The following PAM variants were observed in gnomAD, a reference collection of about 807,000 sequenced individuals.
The protein encoded by PAM is peptidylglycine alpha-amidating monooxygenase, also known as peptidyl-glycine alpha-amidating monooxygenase.
PAM carries 72 observed loss-of-function variants against 122.1 expected under a neutral mutation model. That is an observed-to-expected ratio of 0.59 (90% confidence interval 0.49 to 0.72). The LOEUF (loss-of-function observed/expected upper bound fraction) is 0.72. PAM is among the 30% of genes least tolerant of loss of function. The pLI is 0.00. For synonymous variants in PAM, 389 were observed against 404.4 expected, an observed-to-expected ratio of 0.96 and a Z score of 0.46; for missense variants, 1,106 against 1,183.7, an observed-to-expected ratio of 0.93 and a Z score of 0.96.
chr5:102,866,046 C>T lies in PAM; in HGVS notation c.-150C>T, dbSNP rs1785451599. On this transcript the variant is annotated 5_prime_UTR_variant, in exon 2 of 26. Transcript: ENST00000438793. ...CTCGCCGCGGCCAGCTCGCTGCTCT[C>T]GCTGGCGGATGGTGTGTGGCCGCCG... 2.1e-6 allele frequency: 1 copy of T among 471,942 alleles called. No individual in the cohort carries two copies. The highest frequency in any genetic ancestry group is 2.1e-5 in the African/African-American group (1 of 48,592). 29.2% of individuals were successfully genotyped at this position (471,942 alleles called of 1,614,324 possible). A position where few individuals can be genotyped will look rare whatever the true frequency, so the allele number is the denominator to read the frequency against.
At chr5:102,780,303 G>A (rs1383955083) in intron 1 of PAM, among the ~76,000 whole-genome samples, 1 of 152,030 alleles carries the variant, frequency 6.6e-6, no homozygotes, top group Non-Finnish European at 1.5e-5. Context: ...ACCACCATTG[G>A]CATTGTTGTT....
chr5:102,944,339 A>C (rs1282372259), intron 7 of PAM, among the ~76,000 whole-genome samples: 10 of 152,150 alleles, frequency 6.6e-5, no homozygotes, highest in Non-Finnish European at 5.9e-5. Flanking sequence ...AATACAGGAC[A>C]TTAGTAGCTA....
intron 7 of PAM, among the ~76,000 whole-genome samples, chr5:102,943,168 A>G (rs532641231): frequency 2.0e-5 from 3 of 152,298 alleles, no homozygotes; most frequent in African/African-American, 7.2e-5. Context: ...TTATTGAAGC[A>G]GGAAACAACC....
At chr5:103,025,467 G>A in intron 24 of PAM, 133 bp downstream of exon 24, 1 of 735,384 alleles carries the variant, frequency 1.4e-6, no homozygotes, top group Non-Finnish European at 2.4e-6. Context: ...TACCATTTTT[G>A]ACATTATTGT....
At chr5:102,926,176 G>A (rs748703764) in intron 6 of PAM, among the ~76,000 whole-genome samples, 45 of 152,136 alleles carry the variant, frequency 3.0e-4, no homozygotes, top group Non-Finnish European at 6.0e-4. Flanking sequence ...CTCACTGCAA[G>A]CTCCGCTTCC....
At chr5:102,862,962 CTT>C (rs1236871403) in intron 1 of PAM, among the ~76,000 whole-genome samples, 10 of 151,012 alleles carry the variant, frequency 6.6e-5, no homozygotes, top group African/African-American at 2.4e-4. Flanking sequence ...TTATTTGGCT[CTT>C]TGACCAGTAA....
rs1784615642 is a variant in PAM, at chr5:103,025,233, G to A, written c.2588G>A (p.Gly863Glu). 1.2e-6 allele frequency: 2 copies of A among 1,613,232 alleles called. No homozygotes were observed. Among genetic ancestry groups the A allele is most frequent in the Non-Finnish European group, 8.5e-7 (1 of 1,179,350 alleles). The change falls in exon 24 of 26, where the codon GGA becomes GAA. Residue 863 changes from glycine to glutamate, a missense_variant. Physicochemically the swap from Gly to Glu is moderately conservative, Grantham distance 98. Transcript: ENST00000438793. ...KQKLIKEPGS[G>E]VPVVLITTLL... ...AAACTGATCAAAGAGCCAGGCTCGG[G>A]AGTGCCTGTTGTTCTCATTACAACC... is the stretch of plus-strand genomic sequence containing the variant.
At position 102,816,031 on chromosome 5, in the gene PAM, G is replaced by A. The variant is rs571919444; in HGVS notation, c.-373-49792G>A. ...TTGGGTTTAGCGGTTTTTAAACTTG[G>A]GATCTGGAAAAAAGAAAAAGATCAT... On this transcript the variant is annotated intron_variant, in intron 1 of 25. Transcript: ENST00000438793. Among the ~76,000 whole-genome samples, 181 of 151,932 alleles carry A rather than the reference G, an allele frequency of 1.2e-3. 1 individual carries two copies. The highest frequency in any genetic ancestry group is 1.8e-3 in the Non-Finnish European group (120 of 67,966).
At chr5:102,833,441 A>G (rs543209464) in intron 1 of PAM, among the ~76,000 whole-genome samples, 1 of 152,308 alleles carries the variant, frequency 6.6e-6, no homozygotes, top group East Asian at 1.9e-4. Flanking sequence ...AAAATATAAA[A>G]CTTATTACAT....
At chr5:102,846,273 ATCT>A (rs1779921398) in intron 1 of PAM, among the ~76,000 whole-genome samples, 1 of 152,096 alleles carries the variant, frequency 6.6e-6, no homozygotes, top group Non-Finnish European at 1.5e-5. Flanking sequence ...CACACATGGG[ATCT>A]TCTCACCTAT....
At chr5:102,960,956 T>G (rs1460302880) in intron 13 of PAM, among the ~76,000 whole-genome samples, 5 of 120,044 alleles carry the variant, frequency 4.2e-5, no homozygotes, top group African/African-American at 9.5e-5. Context: ...AAGTCAGATG[T>G]CTTGTAATTG....
chr5:102,886,025 T>A (rs1238610548), intron 3 of PAM, among the ~76,000 whole-genome samples: 1 of 152,048 alleles, frequency 6.6e-6, no homozygotes, highest in Non-Finnish European at 1.5e-5. Flanking sequence ...TGCCTCTTTC[T>A]TGAACATGCA....
intron 16 of PAM, among the ~76,000 whole-genome samples, chr5:103,001,678 G>T (rs1389499590): frequency 6.6e-6 from 1 of 151,942 alleles, no homozygotes; most frequent in Non-Finnish European, 1.5e-5. Flanking sequence ...TAATTGTGTG[G>T]TGTATTTTTT....
chr5:102,920,703 T>G (rs1249730877), intron 5 of PAM, among the ~76,000 whole-genome samples: 2 of 152,104 alleles, frequency 1.3e-5, no homozygotes, highest in African/African-American at 4.8e-5. Context: ...ACTTTCTAAC[T>G]TTAGATCAGT....
At chr5:102,846,250 T>C (rs1779914712) in intron 1 of PAM, among the ~76,000 whole-genome samples, 1 of 152,176 alleles carries the variant, frequency 6.6e-6, no homozygotes, top group Non-Finnish European at 1.5e-5. Context: ...ACTGCCAGAA[T>C]GAGCTTGTAA....
chr5:102,841,406 TACACACACACACACAC>T (rs35825092), intron 1 of PAM, among the ~76,000 whole-genome samples: 3 of 138,442 alleles, frequency 2.2e-5, no homozygotes, highest in East Asian at 2.1e-4. Flanking sequence ...CACCTACAAA[TACACACACACACACAC>T]ACACACACAC....
At position 102,755,630 on chromosome 5, in the gene PAM, G is replaced by A. The variant is rs545899024; in HGVS notation, c.-374+282G>A. ...CCATTATTAAGTCCCTGGCCAGTTT[G>A]TGAGGGGTCGTCCTCCCCTCCGGTC... is the stretch of plus-strand genomic sequence containing the variant. On this transcript the variant is annotated intron_variant, in intron 1 of 25. Transcript: ENST00000438793. Among the ~76,000 whole-genome samples the A allele has an allele frequency of 1.8e-3, 279 of 152,204 alleles. 1 individual carries two copies. Among genetic ancestry groups the A allele is most frequent in the Middle Eastern group, 0.014 (4 of 294 alleles).
At chr5:102,937,277 T>C (rs2151860197) in intron 7 of PAM, among the ~76,000 whole-genome samples, 1 of 152,314 alleles carries the variant, frequency 6.6e-6, no homozygotes, top group South Asian at 2.1e-4. Flanking sequence ...CAAAATAATT[T>C]ATATTCCTTC....
At chr5:102,982,699 C>A (rs974125385) in intron 15 of PAM, among the ~76,000 whole-genome samples, 1 of 152,214 alleles carries the variant, frequency 6.6e-6, no homozygotes, top group African/African-American at 2.4e-5. Flanking sequence ...TCAACCAACA[C>A]TATAGTTCAT....
Sources: allele counts gnomAD v4.1 joint callset (sites outside exome capture counted in the v4.1 genomes callset), GRCh38; gene constraint gnomAD v4.1.1; transcripts MANE v1.5; gene names NCBI Gene and HGNC (gene_info 2026-07-23, HGNC 2026-07-21).